Variants in CDH13 observed in about 807,000 individuals in gnomAD.
CDH13 encodes cadherin 13.
In CDH13, 24 loss-of-function variants were observed where a neutral mutation model predicts 63.8. That is an observed-to-expected ratio of 0.38 (90% CI 0.27 to 0.53). The LOEUF is 0.53. Among genes scored for constraint, CDH13 ranks in the 20% least tolerant of loss-of-function variants. The probability of loss-of-function intolerance (pLI) is 0.85; values close to 1 mark genes in which losing one functional copy is unlikely to be tolerated. For missense variants in CDH13, 1,049 were observed against 903.1 expected (o/e 1.16, Z -2.07); for synonymous variants, 503 against 355.3 (o/e 1.42, Z -4.67).
rs115307000 is a variant in CDH13 at position 83,317,549 on chromosome 16, C to G, written c.637-27313C>G. The stretch of plus-strand genomic sequence containing the variant: ...CCAGTCAAGTGCTGCAAGTAAGAAT[C>G]CAGTACTTTGGGAGGCCAAGGCAGG... On this transcript the variant is annotated intron_variant, in intron 5 of 13. Coordinates refer to ENST00000567109, the MANE Select transcript of CDH13 (RefSeq NM_001257.5). Among the ~76,000 whole-genome samples, 703 of 152,256 alleles carry G rather than the reference C, an allele frequency of 4.6e-3. 5 individuals are homozygous for G. The highest frequency in any genetic ancestry group is 0.016 in the African/African-American group (664 of 41,564).
At chr16:83,243,181 G>C (rs867896014) in intron 5 of CDH13, among the ~76,000 whole-genome samples, 1 of 152,100 alleles carries the variant, frequency 6.6e-6, no homozygotes, top group African/African-American at 2.4e-5. Flanking sequence ...TGGGGCTTCA[G>C]GAGCTTCTCT....
chr16:83,010,286 C>T (rs1914014544), intron 2 of CDH13, among the ~76,000 whole-genome samples: 1 of 151,942 alleles, frequency 6.6e-6, no homozygotes, highest in African/African-American at 2.4e-5. Context: ...ATCATTTTTG[C>T]AAGAACAAAT....
intron 6 of CDH13, among the ~76,000 whole-genome samples, chr16:83,388,557 G>A (rs978975142): frequency 6.6e-6 from 1 of 152,154 alleles, no homozygotes; most frequent in African/African-American, 2.4e-5. Context: ...CTGCCTGTTT[G>A]GATCATGGCA....
At chr16:83,764,816 A>T (rs993447622) in intron 11 of CDH13, among the ~76,000 whole-genome samples, 3 of 152,212 alleles carry the variant, frequency 2.0e-5, no homozygotes, top group African/African-American at 7.2e-5. Flanking sequence ...GCCTTCCCTG[A>T]AGCCCTCGCA....
intron 3 of CDH13, among the ~76,000 whole-genome samples, chr16:83,034,895 CTG>C (rs1916708377): frequency 6.6e-6 from 1 of 152,124 alleles, no homozygotes; most frequent in Admixed American, 6.5e-5. Context: ...TTGCTGCTGT[CTG>C]TACGCATTTT....
chr16:82,704,035 G>A (rs2031277537), intron 1 of CDH13, among the ~76,000 whole-genome samples: 1 of 152,042 alleles, frequency 6.6e-6, no homozygotes, highest in Admixed American at 6.6e-5. Flanking sequence ...CTTTGCAACA[G>A]TACCAAATAA....
chr16:83,350,566 T>C (rs1049729879), intron 6 of CDH13, among the ~76,000 whole-genome samples: 4 of 149,178 alleles, frequency 2.7e-5, no homozygotes, highest in South Asian at 2.1e-4. Context: ...AATTTTTTTT[T>C]CCATCCAGTA....
chr16:83,182,366 G>A (rs2038373471), intron 4 of CDH13, among the ~76,000 whole-genome samples: 1 of 152,170 alleles, frequency 6.6e-6, no homozygotes, highest in Non-Finnish European at 1.5e-5. Flanking sequence ...ATAATGCCAG[G>A]TTCAGACCCC....
At chr16:83,353,002 A>G (rs957217925) in intron 6 of CDH13, among the ~76,000 whole-genome samples, 3 of 152,232 alleles carry the variant, frequency 2.0e-5, no homozygotes, top group African/African-American at 7.2e-5. Flanking sequence ...TCTCACTTAT[A>G]AGTCAGAGCT....
chr16:82,987,201 C>T (rs1390079777), intron 2 of CDH13, among the ~76,000 whole-genome samples: 2 of 152,132 alleles, frequency 1.3e-5, no homozygotes, highest in African/African-American at 2.4e-5. Context: ...GATTCAACTT[C>T]CCTGTCTTCT....
intron 2 of CDH13, among the ~76,000 whole-genome samples, chr16:82,994,395 A>T (rs1350433636): frequency 2.0e-5 from 3 of 151,808 alleles, no homozygotes; most frequent in Non-Finnish European, 4.4e-5. Context: ...GGTGCCTGAG[A>T]CCCCCTACCT....
At chr16:83,546,816 G>C (rs796203225) in intron 7 of CDH13, among the ~76,000 whole-genome samples, 4 of 152,314 alleles carry the variant, frequency 2.6e-5, no homozygotes, top group African/African-American at 9.6e-5. Context: ...CCACTAGACA[G>C]AGGGCACTGC....
In CDH13 at chr16:83,478,410, C is replaced by G. The variant is rs750311930; in HGVS notation, c.782-8067C>G. Among the ~76,000 whole-genome samples the G allele has an allele frequency of 2.0e-5, 3 of 152,226 alleles. No homozygotes were observed. The South Asian group carries it at 6.2e-4, about 32-fold the overall frequency. On this transcript the variant is annotated intron_variant, in intron 6 of 13. Transcript: ENST00000567109. ...CCAGTCTGACCACAGAGAGTCCCAC[C>G]TTTGAGGCCAGTGGAACTAGGCTCC...
At chr16:83,082,209 C>G (rs1026819385) in intron 3 of CDH13, among the ~76,000 whole-genome samples, 18 of 152,216 alleles carry the variant, frequency 1.2e-4, no homozygotes, top group African/African-American at 4.1e-4. Context: ...TAACATTCCA[C>G]TCTGCCCTCT....
At chr16:82,701,834 C>G (rs1262906477) in intron 1 of CDH13, among the ~76,000 whole-genome samples, 1 of 152,162 alleles carries the variant, frequency 6.6e-6, no homozygotes, top group Non-Finnish European at 1.5e-5. Context: ...ACAGGATGCT[C>G]TGATTAGCCA....
intron 4 of CDH13, among the ~76,000 whole-genome samples, chr16:83,128,303 A>C (rs1051389067): frequency 6.6e-6 from 1 of 152,196 alleles, no homozygotes; most frequent in Non-Finnish European, 1.5e-5. Flanking sequence ...TGGACCAGCT[A>C]CATTAGCATC....
intron 1 of CDH13, chr16:82,824,009 A>G (rs544040279): frequency 6.6e-6 from 1 of 152,300 alleles, no homozygotes; most frequent in South Asian, 2.1e-4. Context: ...CTGTCTTGAG[A>G]AAATGATTGA....
intron 7 of CDH13, among the ~76,000 whole-genome samples, chr16:83,513,549 C>A (rs1440756757): frequency 1.3e-5 from 2 of 152,134 alleles, no homozygotes; most frequent in Non-Finnish European, 2.9e-5. Context: ...AGGAGACTTA[C>A]AATCATGGCA....
chr16:83,192,240 T>C (rs1472541890), intron 4 of CDH13, among the ~76,000 whole-genome samples: 1 of 152,168 alleles, frequency 6.6e-6, no homozygotes, highest in Non-Finnish European at 1.5e-5. Context: ...GCCGCTTCTG[T>C]AAACACTGTA....
Sources: gnomAD v4.1 joint callset for allele counts (sites outside exome capture counted in the v4.1 genomes callset) on GRCh38, gnomAD v4.1.1 for gene constraint, MANE v1.5 for transcripts, NCBI Gene and HGNC (gene_info 2026-07-23, HGNC 2026-07-21) for gene names.